Variants in SPAG9 observed in about 807,000 individuals in gnomAD.
SPAG9 encodes sperm associated antigen 9, also known as C-Jun-amino-terminal kinase-interacting protein 4.
A neutral mutation model predicts 166.5 loss-of-function variants in SPAG9; 35 were observed. The observed-to-expected ratio is 0.21, with a 90% CI of 0.16 to 0.28. SPAG9 has a LOEUF of 0.28. Ranked by LOEUF, SPAG9 falls within the 10% of genes least tolerant of loss-of-function variation. The pLI is 1.00. For missense variants in SPAG9, 1,235 were observed against 1,603.3 expected, an observed-to-expected ratio of 0.77 and a Z score of 3.92; for synonymous variants, 534 against 565.5, an observed-to-expected ratio of 0.94 and a Z score of 0.79.
chr17:51,025,144 C>A (rs1035161335), intron 6 of SPAG9, among the ~76,000 whole-genome samples: 2 of 151,328 alleles, frequency 1.3e-5, no homozygotes, highest in African/African-American at 2.4e-5. Context: ...CATGGGGAAA[C>A]CCCGTCTCTA....
intron 1 of SPAG9, among the ~76,000 whole-genome samples, chr17:51,096,264 G>A (rs1054332605): frequency 6.6e-6 from 1 of 151,220 alleles, no homozygotes. Flanking sequence ...CAGCAGAATT[G>A]CTTGAACCCA....
chr17:51,021,507 G>C (rs188370569), intron 6 of SPAG9, 142 bp from the exon 7 acceptor site: 3 of 617,196 alleles, frequency 4.9e-6, no homozygotes, highest in Non-Finnish European at 8.3e-6. Context: ...ACTGATTACC[G>C]GTAAGTACTC....
At chr17:50,987,519 CAA>C (rs201762375) in intron 21 of SPAG9, among the ~76,000 whole-genome samples, 30 of 119,542 alleles carry the variant, frequency 2.5e-4, no homozygotes, top group Admixed American at 5.2e-4. Flanking sequence ...AACTTTTAGT[CAA>C]AAAAAAAAAA....
Position 51,045,977 on chromosome 17 carries a change from T to C in SPAG9, c.590+1398A>G, listed in dbSNP as rs527975562. 9.8e-5 allele frequency among the ~76,000 whole-genome samples: 15 copies of C among 152,340 alleles called. 1 individual carries two copies. The South Asian group carries it at 2.9e-3, about 29-fold the overall frequency. On this transcript the variant is annotated intron_variant, in intron 4 of 29. Transcript: ENST00000262013. ...CTAAAAGTCTTAAATTTTTTCACTT[T>C]AAAACATATTTTGTTTTAGGAGGAA...
chr17:51,059,584 T>G (rs1259135975), intron 2 of SPAG9, among the ~76,000 whole-genome samples: 1 of 151,906 alleles, frequency 6.6e-6, no homozygotes, highest in African/African-American at 2.4e-5. Flanking sequence ...AAACCCCATC[T>G]CTACTAAAAA....
At chr17:50,986,919 T>C (rs1200014419) in intron 22 of SPAG9, among the ~76,000 whole-genome samples, 193 bp downstream of exon 22, 2 of 152,198 alleles carry the variant, frequency 1.3e-5, no homozygotes. Context: ...AAGAAACATA[T>C]GGCTTACTAT....
chr17:50,979,977 CTG>C, intron 25 of SPAG9, 60 bp from the exon 26 acceptor site: 1 of 1,539,582 alleles, frequency 6.5e-7, no homozygotes, highest in Middle Eastern at 1.7e-4. Flanking sequence ...ATATTTAAAA[CTG>C]TGCTAATTTG....
chr17:51,062,525 T>A (rs1014423419), intron 2 of SPAG9, among the ~76,000 whole-genome samples: 1 of 152,228 alleles, frequency 6.6e-6, no homozygotes, highest in Non-Finnish European at 1.5e-5. Flanking sequence ...GGGAATCATA[T>A]AGTACCTAGC....
At chr17:51,039,313 C>T (rs1234324244) in intron 5 of SPAG9, among the ~76,000 whole-genome samples, 2 of 152,302 alleles carry the variant, frequency 1.3e-5, no homozygotes, top group South Asian at 2.1e-4. Context: ...ATGTGACATA[C>T]CTGTGGCATA....
intron 1 of SPAG9, among the ~76,000 whole-genome samples, chr17:51,108,144 T>C (rs1266409995): frequency 1.3e-5 from 2 of 151,214 alleles, no homozygotes; most frequent in Non-Finnish European, 2.9e-5. Context: ...CCCAGCATTT[T>C]GGGAGGCTGA....
At chr17:50,990,838 AC>A in intron 19 of SPAG9, 170 bp from the exon 20 acceptor site, 1 of 587,398 alleles carries the variant, frequency 1.7e-6, no homozygotes, top group Non-Finnish European at 3.0e-6. Flanking sequence ...TGGGAAGGTA[AC>A]TTAAAAAATT....
At chr17:50,997,159 CAA>C (rs961515826) in intron 15 of SPAG9, among the ~76,000 whole-genome samples, 70 of 145,834 alleles carry the variant, frequency 4.8e-4, no homozygotes, top group African/African-American at 1.6e-3. Context: ...AACAAACAAA[CAA>C]AGTGTTATAC....
chr17:51,066,321 G>C (rs528686888), intron 2 of SPAG9, among the ~76,000 whole-genome samples: 1 of 151,968 alleles, frequency 6.6e-6, no homozygotes. Flanking sequence ...ATGTTGCCCA[G>C]GCTGGTCTCG....
chr17:50,984,673 G>A (rs779851915), intron 24 of SPAG9, among the ~76,000 whole-genome samples: 3 of 152,120 alleles, frequency 2.0e-5, no homozygotes, highest in Admixed American at 2.0e-4. Flanking sequence ...GCGACAGAGC[G>A]AGACTCTGTC....
intron 2 of SPAG9, among the ~76,000 whole-genome samples, chr17:51,074,002 C>T (rs541512184): frequency 1.3e-4 from 20 of 151,306 alleles, no homozygotes; most frequent in African/African-American, 3.4e-4. Context: ...TTTGGGAGGC[C>T]GAGGCAGGTG....
intron 1 of SPAG9, among the ~76,000 whole-genome samples, chr17:51,093,050 C>A (rs1598167069): frequency 1.5e-5 from 2 of 132,382 alleles, no homozygotes; most frequent in Admixed American, 8.0e-5. Context: ...CGGTAATCAT[C>A]AATGTTTAGA....
At chr17:50,985,664 T>C (rs1974997059) in intron 23 of SPAG9, 34 bp downstream of exon 23, 1 of 1,295,990 alleles carries the variant, frequency 7.7e-7, no homozygotes, top group Non-Finnish European at 1.1e-6. Flanking sequence ...AAATGCATAG[T>C]TTTAACAAGA....
chr17:51,080,090 A>G (rs986176153), intron 1 of SPAG9, among the ~76,000 whole-genome samples: 10 of 152,312 alleles, frequency 6.6e-5, no homozygotes, highest in African/African-American at 2.4e-4. Flanking sequence ...TGGTTGTGTG[A>G]TTAATAGTCA....
rs1037189802 is a variant in SPAG9 at position 51,120,748 on chromosome 17, G to T, written c.-92C>A. Reference sequence around the variant, plus strand: ...GACGGACCCGACTCGGGCTGGGACGGGTACTAGGGCTGGAGCCCGGGCCGG... The same window carrying T: ...GACGGACCCGACTCGGGCTGGGACGTGTACTAGGGCTGGAGCCCGGGCCGG... On this transcript the variant is annotated 5_prime_UTR_variant, in exon 1 of 30. Transcript: ENST00000262013. This position sits in a 1 kb window ranked among gnomAD's most constrained non-coding sequence, Gnocchi z 4.7. 8.3e-7 allele frequency: 1 copy of T among 1,200,316 alleles called. No homozygotes were observed. The allele number at this position is 1,200,316 out of a possible 1,614,324, so 74.4% of individuals were successfully genotyped here.
Sources: gnomAD v4.1 joint callset for allele counts (sites outside exome capture counted in the v4.1 genomes callset) on GRCh38, gnomAD v4.1.1 for gene constraint, Gnocchi (gnomAD v3.1) non-coding constraint, MANE v1.5 for transcripts, NCBI Gene and HGNC (gene_info 2026-07-23, HGNC 2026-07-21) for gene names.